Variants in LRP1B observed in about 807,000 individuals in gnomAD.
The protein encoded by LRP1B is LDL receptor related protein 1B.
In LRP1B, 217 loss-of-function variants were observed where a neutral mutation model predicts 556.6. The ratio of observed to expected loss-of-function variants is 0.39; its 90% CI spans 0.35 to 0.44. LRP1B has a LOEUF of 0.44. Ranked by LOEUF, LRP1B falls within the 20% of genes least tolerant of loss-of-function variation. LRP1B has a pLI of 1.00. For synonymous variants in LRP1B, 2,047 were observed against 1,865.8 expected (o/e 1.10, Z -2.50); for missense variants, 5,053 against 5,620.8 (o/e 0.90, Z 3.23).
intron 18 of LRP1B, among the ~76,000 whole-genome samples, chr2:140,954,600 C>T (rs768457742): frequency 6.6e-6 from 1 of 151,776 alleles, no homozygotes; most frequent in East Asian, 1.9e-4. Context: ...TAGATTTTAA[C>T]ACTAAAAAAC....
chr2:141,022,996 T>G lies in LRP1B; in HGVS notation c.1790-2894A>C, dbSNP rs1429234037. Among the ~76,000 whole-genome samples the G allele has an allele frequency of 4.6e-5, 7 of 151,854 alleles. No individual in the cohort carries two copies. The East Asian group carries it at 1.4e-3, about 29-fold the overall frequency. On this transcript the variant is annotated intron_variant, in intron 11 of 90. Transcript: ENST00000389484. The stretch of plus-strand genomic sequence containing the variant: ...TCAATAGGCAAGGAGTTAACATGTT[T>G]GTACTTCTTAAGAAAAAAAAATTCC...
chr2:141,049,630 T>A (rs1416317798), intron 10 of LRP1B, among the ~76,000 whole-genome samples: 1 of 151,990 alleles, frequency 6.6e-6, no homozygotes, highest in Non-Finnish European at 1.5e-5. Flanking sequence ...GCTAAAAACT[T>A]CAGAAAATTT....
intron 31 of LRP1B, among the ~76,000 whole-genome samples, chr2:140,821,783 C>T (rs1214202601): frequency 6.6e-6 from 1 of 152,042 alleles, no homozygotes; most frequent in African/African-American, 2.4e-5. Context: ...GCCTATAATC[C>T]CAGCACTTTG....
At chr2:141,412,230 T>C (rs1261393481) in intron 3 of LRP1B, among the ~76,000 whole-genome samples, 8 of 152,222 alleles carry the variant, frequency 5.3e-5, no homozygotes, top group African/African-American at 1.9e-4. Flanking sequence ...AACTGACCTC[T>C]TCATCTGAAA....
intron 1 of LRP1B, among the ~76,000 whole-genome samples, chr2:141,885,245 G>A (rs1007012288): frequency 3.3e-5 from 5 of 152,116 alleles, no homozygotes; most frequent in Non-Finnish European, 7.3e-5. Flanking sequence ...AAATTACAAA[G>A]CAGATTCATA....
chr2:141,177,877 A>G (rs1209778622), intron 7 of LRP1B, among the ~76,000 whole-genome samples: 2 of 152,240 alleles, frequency 1.3e-5, no homozygotes, highest in East Asian at 1.9e-4. Context: ...CCTTCAGACA[A>G]AGGTATTTGT....
Position 141,062,036 on chromosome 2 carries a change from C to T in LRP1B, c.1236+15G>A. ...TTATTACCCTAGGAGCGTTGTCTAA[C>T]AAAATTGTACTTACTTGTCTGCCTT... is the stretch of plus-strand genomic sequence containing the variant. On this transcript the variant is annotated intron_variant, in intron 8 of 90. Coordinates refer to ENST00000389484, the MANE Select transcript of LRP1B (RefSeq NM_018557.3). The T allele has an allele frequency of 6.2e-7, 1 of 1,604,632 alleles. No homozygotes were observed. The highest frequency in any genetic ancestry group is 8.5e-7 in the Non-Finnish European group (1 of 1,172,314).
chr2:141,873,559 A>G (rs1288442107), intron 1 of LRP1B, among the ~76,000 whole-genome samples: 1 of 151,960 alleles, frequency 6.6e-6, no homozygotes, highest in Non-Finnish European at 1.5e-5. Context: ...TTAGAAAAAA[A>G]TAATTTATGT....
chr2:140,510,729 A>G (rs1689616472), intron 51 of LRP1B, among the ~76,000 whole-genome samples: 1 of 152,204 alleles, frequency 6.6e-6, no homozygotes, highest in Non-Finnish European at 1.5e-5. Flanking sequence ...CATGCATAAT[A>G]ATTGGAATCT....
intron 3 of LRP1B, among the ~76,000 whole-genome samples, chr2:141,299,994 G>T (rs1398530154): frequency 2.0e-5 from 3 of 152,166 alleles, no homozygotes; most frequent in Non-Finnish European, 4.4e-5. Context: ...TATGTCTTGA[G>T]GGTGAAGCTC....
At chr2:141,315,328 T>C (rs1161411060) in intron 3 of LRP1B, among the ~76,000 whole-genome samples, 1 of 144,840 alleles carries the variant, frequency 6.9e-6, no homozygotes, top group Non-Finnish European at 1.5e-5. Context: ...GGCGCGATCT[T>C]GGCTCACTGC....
At chr2:140,277,888 A>AGTGG (rs1333246443) in intron 84 of LRP1B, among the ~76,000 whole-genome samples, 26 of 152,112 alleles carry the variant, frequency 1.7e-4, no homozygotes, top group Admixed American at 5.3e-4. Flanking sequence ...ACATATACCC[A>AGTGG]AAAGAAAAGC....
intron 37 of LRP1B, among the ~76,000 whole-genome samples, chr2:140,713,611 C>A (rs2105455742): frequency 6.6e-6 from 1 of 152,120 alleles, no homozygotes; most frequent in African/African-American, 2.4e-5. Flanking sequence ...ACTTGGTAAA[C>A]TGGAGAAGGC....
At chr2:142,079,455 A>T (rs568713520) in intron 1 of LRP1B, among the ~76,000 whole-genome samples, 80 of 152,220 alleles carry the variant, frequency 5.3e-4, no homozygotes, top group African/African-American at 1.8e-3. Flanking sequence ...CAAGTATTCA[A>T]AATGTGATTT....
intron 3 of LRP1B, among the ~76,000 whole-genome samples, chr2:141,454,744 T>C (rs780836595): frequency 1.3e-5 from 2 of 151,748 alleles, no homozygotes; most frequent in Non-Finnish European, 2.9e-5. Context: ...CAACTTTTCC[T>C]AGTTTGAGTT....
chr2:142,019,166 C>T lies in LRP1B; in HGVS notation c.82+111482G>A, dbSNP rs1032419074. On this transcript the variant is annotated intron_variant, in intron 1 of 90. Coordinates refer to ENST00000389484, the MANE Select transcript of LRP1B (RefSeq NM_018557.3). ...ATTTTAGTCCTTTCAAATCTTTTAA[C>T]TGGTGCTAACCTTCATTTCATTTTT... is the stretch of plus-strand genomic sequence containing the variant. Among the ~76,000 whole-genome samples the T allele has an allele frequency of 1.0e-3, 154 of 152,172 alleles. 2 individuals carry two copies. The highest frequency in any genetic ancestry group is 3.3e-3 in the African/African-American group (136 of 41,434).
At chr2:142,022,680 T>A (rs1424251616) in intron 1 of LRP1B, among the ~76,000 whole-genome samples, 1 of 152,076 alleles carries the variant, frequency 6.6e-6, no homozygotes, top group Non-Finnish European at 1.5e-5. Flanking sequence ...ATTTATTTAT[T>A]TATTTTTTGA....
At chr2:140,473,438 G>A (rs1687846623) in intron 60 of LRP1B, among the ~76,000 whole-genome samples, 2 of 151,770 alleles carry the variant, frequency 1.3e-5, no homozygotes, top group Admixed American at 1.3e-4. Flanking sequence ...ATTTCTACCT[G>A]TTACACATGT....
At chr2:142,072,038 A>C (rs921889992) in intron 1 of LRP1B, among the ~76,000 whole-genome samples, 3 of 151,846 alleles carry the variant, frequency 2.0e-5, no homozygotes, top group Admixed American at 1.3e-4. Flanking sequence ...CTCATTCCCC[A>C]TGCCCGAATA....
Sources: gnomAD v4.1 joint callset for allele counts (sites outside exome capture counted in the v4.1 genomes callset) on GRCh38, gnomAD v4.1.1 for gene constraint, MANE v1.5 for transcripts, NCBI Gene and HGNC (gene_info 2026-07-23, HGNC 2026-07-21) for gene names.